Variants in ERC2 observed in about 807,000 individuals in gnomAD.
ERC2 encodes ERC protein 2.
Under a neutral mutation model 114.8 loss-of-function variants are expected in ERC2, and 42 were observed. That is an observed-to-expected ratio of 0.37 (90% CI 0.29 to 0.47). The LOEUF (loss-of-function observed/expected upper bound fraction) is 0.47, where lower values mean the gene tolerates loss of function less well. Among genes scored for constraint, ERC2 ranks in the 20% least tolerant of loss-of-function variants. The pLI is 0.99. For missense variants in ERC2, 939 were observed against 1,150.7 expected (o/e 0.82, Z 2.66); for synonymous variants, 454 against 425.5 (o/e 1.07, Z -0.82).
intron 12 of ERC2, among the ~76,000 whole-genome samples, chr3:55,971,336 T>A (rs2069139553): frequency 6.6e-6 from 1 of 152,138 alleles, no homozygotes; most frequent in African/African-American, 2.4e-5. Flanking sequence ...GTGAATTTTA[T>A]GGTATGCAAA....
At chr3:55,775,386 G>A (rs191969493) in intron 14 of ERC2, among the ~76,000 whole-genome samples, 1 of 151,996 alleles carries the variant, frequency 6.6e-6, no homozygotes, top group East Asian at 1.9e-4. Context: ...ACAAAAATTA[G>A]CCTGGCGCGG....
chr3:55,575,805 G>A (rs1384495014), intron 17 of ERC2, among the ~76,000 whole-genome samples: 1 of 152,144 alleles, frequency 6.6e-6, no homozygotes, highest in Non-Finnish European at 1.5e-5. Context: ...AGTAGCAAGA[G>A]CAGTCAAACC....
At chr3:55,834,187 G>A (rs534948628) in intron 14 of ERC2, among the ~76,000 whole-genome samples, 5 of 152,004 alleles carry the variant, frequency 3.3e-5, no homozygotes, top group South Asian at 2.1e-4. Flanking sequence ...CACTGTCAAC[G>A]TTAGACAGAT....
intron 14 of ERC2, among the ~76,000 whole-genome samples, chr3:55,820,355 T>C (rs1360759877): frequency 1.3e-5 from 2 of 152,156 alleles, no homozygotes. Flanking sequence ...AACTACAGAA[T>C]TAACATTTTG....
At chr3:56,136,252 T>C (rs983114990) in intron 6 of ERC2, among the ~76,000 whole-genome samples, 20 of 152,272 alleles carry the variant, frequency 1.3e-4, no homozygotes, top group South Asian at 4.2e-4. Context: ...CTGTCATTTA[T>C]ACTATTCTAA....
chr3:56,245,181 A>AAT (rs200655221), intron 3 of ERC2, among the ~76,000 whole-genome samples: 3 of 150,246 alleles, frequency 2.0e-5, no homozygotes, highest in Admixed American at 6.7e-5. Context: ...TTATAAATTA[A>AAT]ATATATATAT....
chr3:56,000,650 A>G (rs562002539), intron 10 of ERC2, among the ~76,000 whole-genome samples: 1 of 152,286 alleles, frequency 6.6e-6, no homozygotes, highest in African/African-American at 2.4e-5. Flanking sequence ...AATGTTGGCC[A>G]GGGTGCGGCA....
intron 2 of ERC2, among the ~76,000 whole-genome samples, chr3:56,301,170 T>C (rs990554964): frequency 6.6e-6 from 1 of 152,208 alleles, no homozygotes; most frequent in African/African-American, 2.4e-5. Context: ...TGTACATTTA[T>C]TAAGAAGCAA....
In ERC2 at chr3:56,460,895, C is replaced by T. The variant is rs188416826; in HGVS notation, c.-141+7353G>A. Among the ~76,000 whole-genome samples, 31 of 141,790 alleles carry T rather than the reference C, an allele frequency of 2.2e-4. No individual in the cohort carries two copies. The East Asian group carries it at 4.1e-3, about 19-fold the overall frequency. The allele number at this position is 141,790 out of a possible 152,430, so 93.0% of individuals were successfully genotyped here. The stretch of plus-strand genomic sequence containing the variant: ...TAGCACTTTGGGAGGCCGAGGCGGG[C>T]GGATCACGGGGTCACGAGATCAAGA... On this transcript the variant is annotated intron_variant, in intron 1 of 17. Coordinates refer to ENST00000288221, the MANE Select transcript of ERC2 (RefSeq NM_015576.3).
chr3:56,423,546 CA>C (rs1471837617), intron 2 of ERC2, among the ~76,000 whole-genome samples: 1 of 152,238 alleles, frequency 6.6e-6, no homozygotes, highest in African/African-American at 2.4e-5. Context: ...CGTATGGAGA[CA>C]AACGAGACAG....
intron 2 of ERC2, among the ~76,000 whole-genome samples, chr3:56,397,452 A>G (rs1447608281): frequency 6.6e-6 from 1 of 152,074 alleles, no homozygotes; most frequent in East Asian, 1.9e-4. Context: ...AAATGCATGC[A>G]TTCCTGTGGC....
At chr3:56,113,090 T>C (rs2079046969) in intron 6 of ERC2, among the ~76,000 whole-genome samples, 1 of 152,220 alleles carries the variant, frequency 6.6e-6, no homozygotes, top group Non-Finnish European at 1.5e-5. Flanking sequence ...GGGGTGTTAA[T>C]ATCCATTCTG....
At chr3:55,938,796 GC>G (rs1410121687) in intron 13 of ERC2, among the ~76,000 whole-genome samples, 2 of 152,046 alleles carry the variant, frequency 1.3e-5, no homozygotes, top group Admixed American at 6.5e-5. Flanking sequence ...CATAACATGA[GC>G]CTAGAGCACT....
intron 14 of ERC2, among the ~76,000 whole-genome samples, chr3:55,868,092 C>T (rs911848166): frequency 2.6e-5 from 4 of 152,288 alleles, no homozygotes; most frequent in South Asian, 2.1e-4. Flanking sequence ...GCTTTCCTGA[C>T]GATGTGTACG....
At chr3:56,114,563 G>T (rs942268603) in intron 6 of ERC2, among the ~76,000 whole-genome samples, 14 of 152,056 alleles carry the variant, frequency 9.2e-5, no homozygotes, top group African/African-American at 2.4e-4. Context: ...GTGAGTAGGG[G>T]GATTAGGATT....
intron 17 of ERC2, among the ~76,000 whole-genome samples, chr3:55,668,914 A>G (rs926598698): frequency 5.9e-5 from 9 of 152,204 alleles, no homozygotes; most frequent in African/African-American, 2.2e-4. Flanking sequence ...GCAGGTACTC[A>G]ATAAATATTT....
chr3:56,216,849 A>G (rs968362538), intron 3 of ERC2, among the ~76,000 whole-genome samples: 2 of 152,262 alleles, frequency 1.3e-5, no homozygotes, highest in African/African-American at 4.8e-5. Flanking sequence ...ACGCAAATCA[A>G]TAAAAATAAT....
At chr3:55,713,119 TCTC>T (rs2063867198) in intron 15 of ERC2, among the ~76,000 whole-genome samples, 1 of 112,584 alleles carries the variant, frequency 8.9e-6, no homozygotes, top group Non-Finnish European at 1.7e-5. Context: ...TCTCTCTCTC[TCTC>T]TCTCTGTCTC....
intron 17 of ERC2, among the ~76,000 whole-genome samples, chr3:55,635,258 T>C (rs992496498): frequency 6.6e-6 from 1 of 152,166 alleles, no homozygotes; most frequent in Non-Finnish European, 1.5e-5. Context: ...TTTAAAGGTA[T>C]GCGAATATTT....
Sources: gnomAD v4.1 joint callset for allele counts (sites outside exome capture counted in the v4.1 genomes callset) on GRCh38, gnomAD v4.1.1 for gene constraint, MANE v1.5 for transcripts, NCBI Gene and HGNC (gene_info 2026-07-23, HGNC 2026-07-21) for gene names.